Variants in CSMD1 observed in about 807,000 individuals in gnomAD.
CSMD1 encodes the protein CUB and Sushi multiple domains 1.
Under a neutral mutation model 417.5 loss-of-function variants are expected in CSMD1, and 213 were observed. The observed-to-expected ratio is 0.51, with a 90% CI of 0.46 to 0.57. The LOEUF (loss-of-function observed/expected upper bound fraction) is 0.57, where lower values mean the gene tolerates loss of function less well. Among genes scored for constraint, CSMD1 ranks in the 20% least tolerant of loss-of-function variants. The probability of loss-of-function intolerance (pLI) is 0.00; values close to 1 mark genes in which losing one functional copy is unlikely to be tolerated. For synonymous variants in CSMD1, 2,862 were observed against 1,736.8 expected, an observed-to-expected ratio of 1.65 and a Z score of -16.11; for missense variants, 6,923 against 4,529.7, an observed-to-expected ratio of 1.53 and a Z score of -15.17.
At chr8:4,563,889 G>A (rs1187322323) in intron 2 of CSMD1, among the ~76,000 whole-genome samples, 2 of 152,094 alleles carry the variant, frequency 1.3e-5, no homozygotes, top group South Asian at 2.1e-4. Flanking sequence ...CAAAAGAAGT[G>A]TCACTTTATT....
At chr8:3,605,392 T>C (rs77264045) in intron 8 of CSMD1, among the ~76,000 whole-genome samples, 1 of 152,340 alleles carries the variant, frequency 6.6e-6, no homozygotes, top group African/African-American at 2.4e-5. Flanking sequence ...GACAGGTGCC[T>C]CTGCTCTCGC....
At chr8:4,367,508 G>A (rs1264863511) in intron 3 of CSMD1, among the ~76,000 whole-genome samples, 1 of 152,170 alleles carries the variant, frequency 6.6e-6, no homozygotes, top group Non-Finnish European at 1.5e-5. Context: ...CTCCAGCTTT[G>A]TTCCTTTTGC....
chr8:3,242,981 C>T lies in CSMD1; in HGVS notation c.4154-12750G>A, dbSNP rs138569946. Among the ~76,000 whole-genome samples the T allele has an allele frequency of 9.4e-3, 1,430 of 152,170 alleles. 21 individuals are homozygous for T. Among genetic ancestry groups the T allele is most frequent in the African/African-American group, 0.032 (1,346 of 41,536 alleles). Reference sequence around the variant, plus strand: ...AGATGTCCCTGCAATGGGGAGGCTGCCTTCCGTAGTCCGTGACCAGCGCCG... The same window carrying T: ...AGATGTCCCTGCAATGGGGAGGCTGTCTTCCGTAGTCCGTGACCAGCGCCG... On this transcript the variant is annotated intron_variant, in intron 26 of 69. Transcript: ENST00000635120.
chr8:4,199,289 T>C (rs1799516160), intron 3 of CSMD1, among the ~76,000 whole-genome samples: 2 of 152,350 alleles, frequency 1.3e-5, no homozygotes, highest in East Asian at 1.9e-4. Context: ...GTCATTGATA[T>C]GCAGGCAGTG....
chr8:3,479,597 G>A (rs183656166), intron 11 of CSMD1, among the ~76,000 whole-genome samples: 8 of 152,260 alleles, frequency 5.3e-5, no homozygotes, highest in East Asian at 1.9e-4. Context: ...TCTTTCAATG[G>A]CATAAATGCC....
At chr8:4,725,122 T>A (rs1229146701) in intron 1 of CSMD1, among the ~76,000 whole-genome samples, 1 of 152,196 alleles carries the variant, frequency 6.6e-6, no homozygotes, top group Non-Finnish European at 1.5e-5. Flanking sequence ...GAAAGGTATA[T>A]ATGTTTTACA....
intron 3 of CSMD1, among the ~76,000 whole-genome samples, chr8:4,055,240 T>A (rs1798631697): frequency 6.6e-6 from 1 of 152,202 alleles, no homozygotes; most frequent in Admixed American, 6.5e-5. Flanking sequence ...ACAATAGGAT[T>A]ACTTGCCTCA....
At chr8:4,264,145 C>T (rs545025039) in intron 3 of CSMD1, among the ~76,000 whole-genome samples, 10 of 152,276 alleles carry the variant, frequency 6.6e-5, no homozygotes, top group Admixed American at 2.6e-4. Context: ...ACAACACCTA[C>T]TACTCAGCTC....
chr8:3,771,264 G>C (rs1432121421), intron 5 of CSMD1, among the ~76,000 whole-genome samples: 2 of 152,140 alleles, frequency 1.3e-5, no homozygotes, highest in African/African-American at 4.8e-5. Context: ...CTCTTGCTTT[G>C]AGGTTAGGTC....
At chr8:4,223,052 T>G (rs1226307951) in intron 3 of CSMD1, among the ~76,000 whole-genome samples, 3 of 152,040 alleles carry the variant, frequency 2.0e-5, no homozygotes, top group East Asian at 1.9e-4. Context: ...CTTCCTACAT[T>G]GGACATTGGA....
At chr8:3,010,194 A>C (rs546647027) in intron 52 of CSMD1, among the ~76,000 whole-genome samples, 1 of 152,254 alleles carries the variant, frequency 6.6e-6, no homozygotes, top group African/African-American at 2.4e-5. Context: ...CCCTGACTTC[A>C]GGTTTCTCCT....
chr8:4,655,861 G>A (rs917473006), intron 1 of CSMD1, among the ~76,000 whole-genome samples: 1 of 152,062 alleles, frequency 6.6e-6, no homozygotes, highest in Non-Finnish European at 1.5e-5. Flanking sequence ...AGAAAGAAAA[G>A]AAAAGCATGT....
chr8:4,216,775 G>C (rs1401481), intron 3 of CSMD1, among the ~76,000 whole-genome samples: 3,524 of 152,288 alleles, frequency 0.023, 43 homozygotes, highest in Middle Eastern at 0.078. Flanking sequence ...TTACAGAAAA[G>C]AGAAAGTCTC....
At chr8:4,053,171 G>C (rs187899497) in intron 3 of CSMD1, among the ~76,000 whole-genome samples, 1 of 152,274 alleles carries the variant, frequency 6.6e-6, no homozygotes, top group Admixed American at 6.5e-5. Flanking sequence ...TGAACTACAG[G>C]TGCAAATTTG....
intron 6 of CSMD1, 35 bp downstream of exon 6, chr8:3,753,895 T>C (rs775611902): frequency 1.4e-5 from 10 of 722,810 alleles, no homozygotes; most frequent in Non-Finnish European, 2.0e-5. Flanking sequence ...TTACGCTCTG[T>C]TTTTTTTTTT....
intron 1 of CSMD1, among the ~76,000 whole-genome samples, chr8:4,949,029 T>G (rs1367086453): frequency 6.6e-6 from 1 of 152,196 alleles, no homozygotes; most frequent in Non-Finnish European, 1.5e-5. Flanking sequence ...GTCTTTATCC[T>G]AAATGAGTGT....
chr8:4,393,840 T>C (rs931592979), intron 3 of CSMD1, among the ~76,000 whole-genome samples: 1 of 152,182 alleles, frequency 6.6e-6, no homozygotes, highest in African/African-American at 2.4e-5. Context: ...TTTTCCAAAG[T>C]TCTAGGAATG....
chr8:4,599,005 T>C (rs937927518), intron 2 of CSMD1, among the ~76,000 whole-genome samples: 10 of 152,194 alleles, frequency 6.6e-5, no homozygotes, highest in Non-Finnish European at 4.4e-5. Flanking sequence ...AGAAAAATTA[T>C]AAAATGGTTT....
chr8:3,888,370 A>G (rs190173902), intron 5 of CSMD1, among the ~76,000 whole-genome samples: 308 of 152,298 alleles, frequency 2.0e-3, no homozygotes, highest in African/African-American at 7.0e-3. Context: ...ATGAGCTCTA[A>G]ACAAGCTTCA....
Sources: gnomAD v4.1 joint callset for allele counts (sites outside exome capture counted in the v4.1 genomes callset) on GRCh38, gnomAD v4.1.1 for gene constraint, MANE v1.5 for transcripts, NCBI Gene and HGNC (gene_info 2026-07-23, HGNC 2026-07-21) for gene names.